Variants in RBM39 observed in about 807,000 individuals in gnomAD.
RBM39 encodes RNA binding motif protein 39, also known as RNA-binding protein 39.
A neutral mutation model predicts 79.6 loss-of-function variants in RBM39; 12 were observed. The observed-to-expected ratio is 0.15, with a 90% CI of 0.10 to 0.24. The LOEUF (loss-of-function observed/expected upper bound fraction) is 0.24, where lower values mean the gene tolerates loss of function less well. Ranked by LOEUF, RBM39 falls within the 10% of genes least tolerant of loss-of-function variation. The pLI is 1.00. For missense variants in RBM39, 243 were observed against 653.4 expected (o/e 0.37, Z 6.85); for synonymous variants, 185 against 208.4 (o/e 0.89, Z 0.97).
At chr20:35,725,657 CTT>C (rs773506913) in intron 6 of RBM39, among the ~76,000 whole-genome samples, 3 of 122,196 alleles carry the variant, frequency 2.5e-5, no homozygotes, top group Admixed American at 8.3e-5. Flanking sequence ...AACCCATTTT[CTT>C]TTTTTTTTTT....
chr20:35,730,213 C>G (rs2039215942), intron 4 of RBM39, among the ~76,000 whole-genome samples: 1 of 152,150 alleles, frequency 6.6e-6, no homozygotes, highest in African/African-American at 2.4e-5. Flanking sequence ...CTTGTCAGGA[C>G]TAACAGAGTG....
At position 35,731,926 on chromosome 20, in the gene RBM39, AC is replaced by A. The variant is rs1244565254; in HGVS notation, c.296+14del. On this transcript the variant is annotated intron_variant, in intron 4 of 16. Coordinates refer to ENST00000253363, the MANE Select transcript of RBM39 (RefSeq NM_184234.3). Reference sequence around the variant, plus strand: ...GAATAACCCTCAAACCAAAATCATAACTATAGTTACATACTAAGGACTTCTG... The same window carrying A: ...GAATAACCCTCAAACCAAAATCATAATATAGTTACATACTAAGGACTTCTG... 2 of 1,610,824 alleles carry A rather than the reference AC, an allele frequency of 1.2e-6. No individual in the cohort carries two copies. The highest frequency in any genetic ancestry group is 1.7e-6 in the Non-Finnish European group (2 of 1,178,544).
At chr20:35,707,051 A>T in intron 14 of RBM39, 69 bp downstream of exon 14, 11 of 653,368 alleles carry the variant, frequency 1.7e-5, no homozygotes, top group Non-Finnish European at 2.3e-5. Flanking sequence ...AAAAAAAAAA[A>T]GAGAAATATA....
chr20:35,735,109 G>C (rs754727230), intron 3 of RBM39: 1 of 1,501,044 alleles, frequency 6.7e-7, no homozygotes. Flanking sequence ...AAATAGAAAA[G>C]TCATTTATTC....
At chr20:35,716,682 G>A (rs577019631) in intron 10 of RBM39, 58 bp downstream of exon 10, 16 of 1,062,058 alleles carry the variant, frequency 1.5e-5, no homozygotes, top group Non-Finnish European at 2.2e-5. Context: ...GAGCAACACA[G>A]CAAATGTAGT....
intron 6 of RBM39, among the ~76,000 whole-genome samples, chr20:35,725,440 T>C (rs752791546): frequency 1.3e-5 from 2 of 152,080 alleles, no homozygotes; most frequent in Non-Finnish European, 1.5e-5. Flanking sequence ...TCTCAAGCAA[T>C]CCTTTTGCCC....
At chr20:35,716,923 T>G (rs935198757) in intron 9 of RBM39, 118 bp from the exon 10 acceptor site, 2 of 620,694 alleles carry the variant, frequency 3.2e-6, no homozygotes, top group African/African-American at 3.8e-5. Flanking sequence ...AGAAGACTTA[T>G]CACAAAACCT....
At chr20:35,735,948 C>T (rs531869843) in intron 3 of RBM39, among the ~76,000 whole-genome samples, 10 of 152,216 alleles carry the variant, frequency 6.6e-5, no homozygotes, top group South Asian at 2.1e-4. Context: ...AAGCTTGTAG[C>T]CTTAATCAGC....
At chr20:35,736,534 A>C (rs2425120) in intron 3 of RBM39, 1 of 469,602 alleles carries the variant, frequency 2.1e-6, no homozygotes, top group East Asian at 7.0e-5. Flanking sequence ...GTAGTGAGAA[A>C]GACTGACATA....
chr20:35,731,964 A>G lies in RBM39; in HGVS notation c.273T>C (p.Phe91=), dbSNP rs769382062. The G allele has an allele frequency of 6.2e-6, 10 of 1,613,960 alleles. No individual in the cohort carries two copies. Among genetic ancestry groups the G allele is most frequent in the East Asian group, 4.5e-5 (2 of 44,904 alleles). Residue 91 remains phenylalanine, a synonymous_variant, in exon 4 of 17, where the codon TTT becomes TTC. Transcript: ENST00000253363. ...ACTAAGGACTTCTGTAGCGGCCTCT[A>G]AATCTTCGATCTCGACTTCTTGAGC... is the stretch of plus-strand genomic sequence containing the variant. ...RSRSRSRDRR[F]RGRYRSPYSG...
At chr20:35,704,923 T>C in intron 15 of RBM39, 177 bp from the exon 16 acceptor site, 2 of 614,324 alleles carry the variant, frequency 3.3e-6, no homozygotes. Context: ...ACTTCTACTC[T>C]CAAATTTGCC....
chr20:35,714,486 A>G, intron 10 of RBM39, 97 bp from the exon 11 acceptor site: 1 of 1,400,992 alleles, frequency 7.1e-7, no homozygotes, highest in Non-Finnish European at 9.3e-7. Flanking sequence ...CATATTCAAT[A>G]ATTACTTCTG....
chr20:35,721,193 C>T (rs906559481), intron 9 of RBM39, among the ~76,000 whole-genome samples: 4 of 152,066 alleles, frequency 2.6e-5, no homozygotes, highest in Non-Finnish European at 5.9e-5. Flanking sequence ...GGCCTCCCTC[C>T]CAAAATGCTG....
At position 35,725,160 on chromosome 20, in the gene RBM39, T is replaced by C. The variant is rs761041917; in HGVS notation, c.417-5A>G. The stretch of plus-strand genomic sequence containing the variant: ...GTTAAATTATCAATAGGTTCTCTAA[T>C]AGGAGTAAAACATATAAAATTAATT... On this transcript the variant is annotated splice_polypyrimidine_tract_variant and splice_region_variant and intron_variant, in intron 6 of 16. Coordinates refer to ENST00000253363, the MANE Select transcript of RBM39 (RefSeq NM_184234.3). 2.4e-5 allele frequency: 36 copies of C among 1,502,414 alleles called. No homozygotes were observed. Among genetic ancestry groups the C allele is most frequent in the Non-Finnish European group, 2.9e-5 (32 of 1,087,470 alleles). The allele number at this position is 1,502,414 out of a possible 1,614,324, so 93.1% of individuals were successfully genotyped here. A position where few individuals can be genotyped will look rare whatever the true frequency, so the allele number is the denominator to read the frequency against.
intron 12 of RBM39, among the ~76,000 whole-genome samples, chr20:35,711,415 A>T (rs2146515226): frequency 6.6e-6 from 1 of 152,344 alleles, no homozygotes; most frequent in East Asian, 1.9e-4. Flanking sequence ...AGCTAACACT[A>T]TAAGCTCAAA....
intron 9 of RBM39, among the ~76,000 whole-genome samples, 182 bp from the exon 10 acceptor site, chr20:35,716,987 G>GA (rs141036679): frequency 0.025 from 3,855 of 151,738 alleles, 131 homozygotes; most frequent in African/African-American, 0.082. Flanking sequence ...TATGTAAAAT[G>GA]AAAAAAATTA....
At chr20:35,720,771 CAA>C (rs2037825086) in intron 9 of RBM39, among the ~76,000 whole-genome samples, 2 of 152,072 alleles carry the variant, frequency 1.3e-5, no homozygotes, top group African/African-American at 4.8e-5. Context: ...GACTCTGTCT[CAA>C]AAAGTCAATG....
rs1042650223 is a variant in RBM39, at chr20:35,702,618, T to G, written c.*1863A>C. 2 of 152,226 alleles carry G rather than the reference T, an allele frequency of 1.3e-5. No homozygotes were observed. The highest frequency in any genetic ancestry group is 4.1e-4 in the South Asian group (2 of 4,830). 9.4% of individuals were successfully genotyped at this position (152,226 alleles called of 1,614,324 possible). A position where few individuals can be genotyped will look rare whatever the true frequency, so the allele number is the denominator to read the frequency against. Reference sequence around the variant, plus strand: ...ACAGAGTGTCTCTGCCCCAAAGAACTCTGCAGTCTGGTATTGAAAAGTAAA... The same window carrying G: ...ACAGAGTGTCTCTGCCCCAAAGAACGCTGCAGTCTGGTATTGAAAAGTAAA... On this transcript the variant is annotated 3_prime_UTR_variant, in exon 17 of 17. Transcript: ENST00000253363.
intron 1 of RBM39, chr20:35,741,626 G>C (rs1044818428): frequency 1.3e-5 from 2 of 152,140 alleles, no homozygotes; most frequent in African/African-American, 4.8e-5. Flanking sequence ...GGGGCAAAGA[G>C]AAACTCCCTC....
Sources: allele counts gnomAD v4.1 joint callset (sites outside exome capture counted in the v4.1 genomes callset), GRCh38; gene constraint gnomAD v4.1.1; transcripts MANE v1.5; gene names NCBI Gene and HGNC (gene_info 2026-07-23, HGNC 2026-07-21).